ZNF275: variants seen among roughly 807,000 people sequenced by gnomAD.
The protein encoded by ZNF275 is zinc finger protein 275.
ZNF275 carries 4 observed loss-of-function variants against 4.3 expected under a neutral mutation model. The observed-to-expected ratio is 0.93, with a 90% CI of 0.46 to 2.13. ZNF275 has a LOEUF of 2.13. ZNF275 is among the 30% of genes most tolerant of loss of function. The probability of loss-of-function intolerance (pLI) is 0.02; values close to 1 mark genes in which losing one functional copy is unlikely to be tolerated. For missense variants in ZNF275, 352 were observed against 397.1 expected (o/e 0.89, Z 0.97); for synonymous variants, 173 against 166.9 (o/e 1.04, Z -0.28).
chrX:153,337,327 A>G (rs1380131808), intron 2 of ZNF275, among the ~76,000 whole-genome samples: 2 of 112,045 alleles, frequency 1.8e-5, no homozygotes, highest in Non-Finnish European at 3.8e-5. Flanking sequence ...ACCGTTAGCC[A>G]GTAGCCAAAC....
chrX:153,335,318 C>T (rs949179444), intron 1 of ZNF275: 4 of 109,298 alleles, frequency 3.7e-5, no homozygotes, highest in East Asian at 2.9e-4. Context: ...TCAACCTCAG[C>T]CCGACATTTT....
chrX:153,351,417 C>T lies in ZNF275; in HGVS notation c.*3442C>T, dbSNP rs1416295398. On this transcript the variant is annotated 3_prime_UTR_variant, in exon 4 of 4. Coordinates refer to ENST00000650114, the MANE Select transcript of ZNF275 (RefSeq NM_001367757.1). ...GTGCATTCATGCATCTACCTCATTC[C>T]GGTTTTCTTTCTAATCTCATGTATT... The T allele has an allele frequency of 8.2e-6, 1 of 122,235 alleles. No individual in the cohort carries two copies. Among genetic ancestry groups the T allele is most frequent in the Admixed American group, 9.5e-5 (1 of 10,561 alleles). 10.1% of individuals were successfully genotyped at this position (122,235 alleles called of 1,213,427 possible).
chrX:153,348,068 T>G lies in ZNF275; in HGVS notation c.*93T>G. The stretch of plus-strand genomic sequence containing the variant: ...AACAGTTTTGTAGCGCTTATATATT[T>G]TGTCTTCCAAAAGGTTGAGACCGAT... On this transcript the variant is annotated 3_prime_UTR_variant, in exon 4 of 4. Transcript: ENST00000650114. 1 of 931,662 alleles carries G rather than the reference T, an allele frequency of 1.1e-6. No individual in the cohort carries two copies. The allele number at this position is 931,662 out of a possible 1,213,427, so 76.8% of individuals were successfully genotyped here.
intron 3 of ZNF275, among the ~76,000 whole-genome samples, chrX:153,346,582 C>T (rs1226239800): frequency 1.8e-5 from 2 of 112,442 alleles, no homozygotes; most frequent in African/African-American, 3.2e-5. Context: ...CCTTTGGGGA[C>T]GTGTGTGGCT....
At position 153,351,245 on chromosome X, in the gene ZNF275, G is replaced by A. The variant is rs782008676; in HGVS notation, c.*3270G>A. On this transcript the variant is annotated 3_prime_UTR_variant, in exon 4 of 4. Transcript: ENST00000650114. Reference sequence around the variant, plus strand: ...GAAACCCGTGTTCTCTTTCAATGCAGTCTGTGGCTTTAACGTGTGTCCTGT... The same window carrying A: ...GAAACCCGTGTTCTCTTTCAATGCAATCTGTGGCTTTAACGTGTGTCCTGT... 8.1e-6 allele frequency: 1 copy of A among 123,889 alleles called. No individual in the cohort carries two copies. Among genetic ancestry groups the A allele is most frequent in the South Asian group, 3.7e-4 (1 of 2,699 alleles). 10.2% of individuals were successfully genotyped at this position (123,889 alleles called of 1,213,427 possible). A position where few individuals can be genotyped will look rare whatever the true frequency, so the allele number is the denominator to read the frequency against.
chrX:153,337,957 C>G (rs965009504), intron 2 of ZNF275, among the ~76,000 whole-genome samples: 16 of 111,918 alleles, frequency 1.4e-4, no homozygotes, highest in African/African-American at 5.2e-4. Context: ...GTGAAAGTGC[C>G]TCACTTCAGG....
chrX:153,342,974 G>A (rs2088488514), intron 2 of ZNF275, among the ~76,000 whole-genome samples: 1 of 112,397 alleles, frequency 8.9e-6, no homozygotes, highest in Admixed American at 9.3e-5. Flanking sequence ...TTTGGTTCTC[G>A]CCCACCCCAA....
At position 153,346,363 on chromosome X, in the gene ZNF275, G is replaced by A. The variant is rs1289765442; in HGVS notation, c.134-456G>A. Among the ~76,000 whole-genome samples the A allele has an allele frequency of 2.7e-5, 3 of 109,202 alleles. No homozygotes were observed. The Admixed American group carries it at 2.9e-4, about 10-fold the overall frequency. 94.8% of individuals were successfully genotyped at this position (109,202 alleles called of 115,157 possible). On this transcript the variant is annotated intron_variant, in intron 3 of 3. Transcript: ENST00000650114. The stretch of plus-strand genomic sequence containing the variant: ...CCTTTGGAGATTCGGGTTATGTTTG[G>A]AGATCCCAGCTGAGCTCTTGGAGTT...
At chrX:153,335,964 C>T (rs2088443217) in intron 1 of ZNF275, among the ~76,000 whole-genome samples, 1 of 111,392 alleles carries the variant, frequency 9.0e-6, no homozygotes, top group South Asian at 3.8e-4. Flanking sequence ...GCATAGCATC[C>T]CACCCCACCC....
rs868916594 is a variant in ZNF275 at position 153,347,113 on chromosome X, A to C, written c.428A>C (p.Glu143Ala). 1 of 1,211,200 alleles carries C rather than the reference A, an allele frequency of 8.3e-7. No individual in the cohort carries two copies. The highest frequency in any genetic ancestry group is 1.1e-6 in the Non-Finnish European group (1 of 895,229). Reference protein sequence around the residue: ...DCGKVFRGVAEFNEHRKSHVA... With the variant: ...DCGKVFRGVAAFNEHRKSHVA... ...GGGAAGGTCTTTAGGGGGGTGGCGGAGTTTAATGAGCACAGGAAAAGCCAC... is the reference window on the plus strand; with the variant it reads ...GGGAAGGTCTTTAGGGGGGTGGCGGCGTTTAATGAGCACAGGAAAAGCCAC... The change falls in exon 4 of 4, where the codon GAG (glutamate) becomes GCG (alanine). Residue 143 changes from glutamate to alanine, a missense_variant. By Grantham distance (107) the Glu-to-Ala change is moderately radical. Transcript: ENST00000650114.
intron 3 of ZNF275, 38 bp from the exon 4 acceptor site, chrX:153,346,781 C>T: frequency 1.8e-6 from 2 of 1,137,570 alleles, no homozygotes; most frequent in South Asian, 4.2e-5. Flanking sequence ...CCTCCTTCAT[C>T]CTCTGCAGAC....
chrX:153,347,572 C>A lies in ZNF275; in HGVS notation c.887C>A (p.Pro296His), dbSNP rs370916699. The change falls in exon 4 of 4, where the codon CCC (proline) becomes CAC (histidine). Residue 296 changes from proline to histidine, a missense_variant. Pro to His is a moderately conservative substitution (Grantham distance 77). Transcript: ENST00000650114. ...AGTGGGGCCAAGCCATACGGGTGTCCCCACTGCGGCAAGCTCTTCCGAAGG... is the reference window on the plus strand; with the variant it reads ...AGTGGGGCCAAGCCATACGGGTGTCACCACTGCGGCAAGCTCTTCCGAAGG... ...IHSGAKPYGC[P>H]HCGKLFRRSS... 4 of 1,188,251 alleles carry A rather than the reference C, an allele frequency of 3.4e-6. No individual in the cohort carries two copies. The African/African-American group carries it at 7.0e-5, about 21-fold the overall frequency.
chrX:153,341,483 A>G (rs4828775), intron 2 of ZNF275, among the ~76,000 whole-genome samples: 45,006 of 111,078 alleles, frequency 0.41, 7,252 homozygotes, highest in African/African-American at 0.6. Flanking sequence ...AAGATTTAAA[A>G]GTGAGGTGGG....
chrX:153,346,142 C>G (rs1212530605), intron 3 of ZNF275, among the ~76,000 whole-genome samples: 2 of 107,352 alleles, frequency 1.9e-5, no homozygotes, highest in Non-Finnish European at 3.8e-5. Flanking sequence ...CCCAGCTGAG[C>G]TCTTGGGGTT....
At position 153,337,294 on chromosome X, in the gene ZNF275, G is replaced by A. The variant is rs1384903493; in HGVS notation, c.31+584G>A. 5.4e-5 allele frequency among the ~76,000 whole-genome samples: 6 copies of A among 111,751 alleles called. No individual in the cohort carries two copies. The East Asian group carries it at 8.4e-4, about 16-fold the overall frequency. On this transcript the variant is annotated intron_variant, in intron 2 of 3. Coordinates refer to ENST00000650114, the MANE Select transcript of ZNF275 (RefSeq NM_001367757.1). ...ATTTGTGCGATAAAATCAGTTGAAC[G>A]CTGGTCTTTAGGCTCAGAAGCTACC...
rs76200831 is a variant in ZNF275, at chrX:153,337,007, G to A, written c.31+297G>A. ...CATCTGAATTGGATCTTTTGTGAGT[G>A]GAAACCTTTGAAGACACCCGTTGCT... On this transcript the variant is annotated intron_variant, in intron 2 of 3. Transcript: ENST00000650114. 2.9e-4 allele frequency among the ~76,000 whole-genome samples: 32 copies of A among 111,505 alleles called. No homozygotes were observed. In the East Asian group the frequency reaches 3.4e-3, roughly 12 times the overall value.
In ZNF275 at chrX:153,347,383, C is replaced by T. The variant is rs782741956; in HGVS notation, c.698C>T (p.Ser233Leu). The T allele has an allele frequency of 1.4e-5, 17 of 1,211,211 alleles. No homozygotes were observed. In the African/African-American group the frequency reaches 2.1e-4, roughly 15 times the overall value. The change falls in exon 4 of 4, where the codon TCG (serine) becomes TTG (leucine). Residue 233 changes from serine (S) to leucine (L), a missense_variant. Coordinates refer to ENST00000650114, the MANE Select transcript of ZNF275 (RefSeq NM_001367757.1). ...HLFRHQKLHT[S>L]EKPFACKACS... Reference sequence around the variant, plus strand: ...TTCCGACATCAGAAACTTCACACTTCGGAAAAGCCTTTCGCCTGCAAGGCG... The same window carrying T: ...TTCCGACATCAGAAACTTCACACTTTGGAAAAGCCTTTCGCCTGCAAGGCG...
rs2088558990 is a variant in ZNF275, at chrX:153,351,927, T to A, written c.*3952T>A. The A allele has an allele frequency of 8.9e-6, 1 of 112,016 alleles. No homozygotes were observed. The highest frequency in any genetic ancestry group is 3.7e-4 in the South Asian group (1 of 2,683). The allele number at this position is 112,016 out of a possible 1,213,427, so 9.2% of individuals were successfully genotyped here. On this transcript the variant is annotated 3_prime_UTR_variant, in exon 4 of 4. Coordinates refer to ENST00000650114, the MANE Select transcript of ZNF275 (RefSeq NM_001367757.1). ...CCACCCCGCTTCTAGGCCATATTAATTCAGCCAGAACTGAACACCTGACCC... is the reference window on the plus strand; with the variant it reads ...CCACCCCGCTTCTAGGCCATATTAAATCAGCCAGAACTGAACACCTGACCC...
At position 153,344,647 on chromosome X, in the gene ZNF275, G is replaced by C. The variant is rs376137626; in HGVS notation, c.32-873G>C. On this transcript the variant is annotated intron_variant, in intron 2 of 3. Transcript: ENST00000650114. The stretch of plus-strand genomic sequence containing the variant: ...TCATTCTAAAATAGATGGAAAGACT[G>C]ATGAGCCCTGGGAATTCTTTCAGGA... The C allele has an allele frequency of 3.5e-5, 13 of 374,120 alleles. No individual in the cohort carries two copies. In the Middle Eastern group the frequency reaches 1.3e-3, roughly 37 times the overall value. 30.8% of individuals were successfully genotyped at this position (374,120 alleles called of 1,213,427 possible).
Sources: gnomAD v4.1 joint callset for allele counts (sites outside exome capture counted in the v4.1 genomes callset) on GRCh38, gnomAD v4.1.1 for gene constraint, MANE v1.5 for transcripts, NCBI Gene and HGNC (gene_info 2026-07-23, HGNC 2026-07-21) for gene names.